CNTN3: variants seen among roughly 807,000 people sequenced by gnomAD.
The protein encoded by CNTN3 is contactin-3.
A neutral mutation model predicts 119.1 loss-of-function variants in CNTN3; 60 were observed. The ratio of observed to expected loss-of-function variants is 0.50; its 90% CI spans 0.41 to 0.62. CNTN3 has a LOEUF of 0.62. Ranked by LOEUF, CNTN3 falls within the 20% of genes least tolerant of loss-of-function variation. The probability of loss-of-function intolerance (pLI) is 0.00; values close to 1 mark genes in which losing one functional copy is unlikely to be tolerated. For synonymous variants in CNTN3, 450 were observed against 438.7 expected (o/e 1.03, Z -0.32); for missense variants, 1,101 against 1,242.4 (o/e 0.89, Z 1.71).
chr3:74,289,341 G>A (rs1397713844), intron 19 of CNTN3, among the ~76,000 whole-genome samples: 2 of 152,022 alleles, frequency 1.3e-5, no homozygotes, highest in Non-Finnish European at 2.9e-5. Flanking sequence ...GCTACATTTG[G>A]ACATTCTATT....
chr3:74,290,111 G>A (rs1169354181), intron 19 of CNTN3, among the ~76,000 whole-genome samples: 1 of 152,066 alleles, frequency 6.6e-6, no homozygotes, highest in Non-Finnish European at 1.5e-5. Flanking sequence ...TATGTGTTAC[G>A]ATGACAGGGA....
At chr3:74,479,556 T>G (rs571758262) in intron 4 of CNTN3, among the ~76,000 whole-genome samples, 1 of 152,246 alleles carries the variant, frequency 6.6e-6, no homozygotes, top group South Asian at 2.1e-4. Context: ...TATGCCAGCA[T>G]ACTAATTTTT....
At chr3:74,373,643 G>A (rs1704396877) in intron 5 of CNTN3, among the ~76,000 whole-genome samples, 1 of 151,974 alleles carries the variant, frequency 6.6e-6, no homozygotes, top group South Asian at 2.1e-4. Flanking sequence ...TGCAACACTT[G>A]GAATAAATAT....
chr3:74,486,766 CTGAAGATCA>C, intron 3 of CNTN3, 135 bp from the exon 4 acceptor site: 5 of 685,516 alleles, frequency 7.3e-6, no homozygotes, highest in Non-Finnish European at 1.1e-5. Flanking sequence ...TGTTACATAA[CTGAAGATCA>C]AATATGCCCA....
At chr3:74,312,232 T>A (rs1400263135) in intron 13 of CNTN3, among the ~76,000 whole-genome samples, 1 of 151,762 alleles carries the variant, frequency 6.6e-6, no homozygotes, top group Non-Finnish European at 1.5e-5. Context: ...GGCGGGCAGA[T>A]CACGAGGTCA....
At chr3:74,323,960 T>G (rs1329121921) in intron 13 of CNTN3, among the ~76,000 whole-genome samples, 3 of 152,116 alleles carry the variant, frequency 2.0e-5, no homozygotes, top group Non-Finnish European at 4.4e-5. Context: ...GAAGGAATTA[T>G]AAACAATATC....
At chr3:74,418,342 CTTTTT>C (rs56258495) in intron 5 of CNTN3, among the ~76,000 whole-genome samples, 1 of 99,630 alleles carries the variant, frequency 1.0e-5, no homozygotes, top group African/African-American at 3.9e-5. Context: ...AAACATATTC[CTTTTT>C]TTTTTTTTTT....
chr3:74,358,355 G>A (rs1027697461), intron 11 of CNTN3, among the ~76,000 whole-genome samples: 1 of 151,680 alleles, frequency 6.6e-6, no homozygotes, highest in Non-Finnish European at 1.5e-5. Context: ...TTATTACCAC[G>A]AGACACTGCT....
At chr3:74,339,480 C>A (rs1703478095) in intron 11 of CNTN3, among the ~76,000 whole-genome samples, 1 of 152,152 alleles carries the variant, frequency 6.6e-6, no homozygotes, top group South Asian at 2.1e-4. Context: ...ACTTTACTTA[C>A]TTTCCTGAAA....
intron 1 of CNTN3, among the ~76,000 whole-genome samples, chr3:74,537,872 A>G (rs1018027001): frequency 2.0e-5 from 3 of 152,094 alleles, no homozygotes; most frequent in Admixed American, 1.3e-4. Context: ...GGTAACCCAG[A>G]GCTTGCAAGG....
chr3:74,576,791 T>G (rs539259768), intron 1 of CNTN3, among the ~76,000 whole-genome samples: 4 of 152,284 alleles, frequency 2.6e-5, no homozygotes, highest in African/African-American at 9.6e-5. Context: ...ACTGTTTTTT[T>G]ACTAGTGCAT....
At chr3:74,306,173 T>A (rs1272761085) in intron 13 of CNTN3, among the ~76,000 whole-genome samples, 4 of 136,814 alleles carry the variant, frequency 2.9e-5, no homozygotes, top group African/African-American at 1.1e-4. Context: ...ATATAGTTAG[T>A]CATGAATTAA....
chr3:74,367,541 G>A (rs1419625090), intron 8 of CNTN3, among the ~76,000 whole-genome samples: 1 of 151,986 alleles, frequency 6.6e-6, no homozygotes, highest in Admixed American at 6.6e-5. Context: ...GGTTTGAGGA[G>A]AGGACTTCTA....
chr3:74,400,201 A>T (rs1284784230), intron 5 of CNTN3, among the ~76,000 whole-genome samples: 1 of 152,190 alleles, frequency 6.6e-6, no homozygotes, highest in African/African-American at 2.4e-5. Context: ...AAAATCTCCA[A>T]ATTAACATAA....
chr3:74,407,064 G>A (rs985074359), intron 5 of CNTN3, among the ~76,000 whole-genome samples: 13 of 152,196 alleles, frequency 8.5e-5, no homozygotes, highest in African/African-American at 3.1e-4. Context: ...CAGAATGGAA[G>A]GGATCTTTCA....
intron 4 of CNTN3, among the ~76,000 whole-genome samples, chr3:74,467,084 A>T (rs1044919974): frequency 6.6e-6 from 1 of 152,080 alleles, no homozygotes; most frequent in Non-Finnish European, 1.5e-5. Flanking sequence ...AGCAAATATA[A>T]TTTTTTTCAA....
intron 5 of CNTN3, among the ~76,000 whole-genome samples, chr3:74,388,051 G>C (rs778877695): frequency 6.6e-6 from 1 of 152,094 alleles, no homozygotes; most frequent in African/African-American, 2.4e-5. Context: ...TAGCCCTCCC[G>C]GCTGATGGCT....
chr3:74,476,163 T>C (rs1702651181), intron 4 of CNTN3, among the ~76,000 whole-genome samples: 7 of 152,146 alleles, frequency 4.6e-5, no homozygotes, highest in Admixed American at 3.3e-4. Context: ...ATATAAGGTG[T>C]CTTTAAAGAG....
chr3:74,517,460 C>T (rs1703469746), intron 2 of CNTN3, among the ~76,000 whole-genome samples: 1 of 151,920 alleles, frequency 6.6e-6, no homozygotes, highest in African/African-American at 2.4e-5. Flanking sequence ...CGTTCAGTAA[C>T]ACTAACACCC....
Sources: gnomAD v4.1 joint callset for allele counts (sites outside exome capture counted in the v4.1 genomes callset) on GRCh38, gnomAD v4.1.1 for gene constraint, MANE v1.5 for transcripts, NCBI Gene and HGNC (gene_info 2026-07-23, HGNC 2026-07-21) for gene names.